Variants in CCNB2 observed in about 807,000 individuals in gnomAD.
CCNB2 encodes cyclin B2, also known as G2/mitotic-specific cyclin-B2.
In CCNB2, 39 loss-of-function variants were observed where a neutral mutation model predicts 51.1. The ratio of observed to expected loss-of-function variants is 0.76; its 90% confidence interval spans 0.59 to 1.00. CCNB2 has a LOEUF of 1.00. Ranked by LOEUF, CCNB2 falls within the 50% of genes least tolerant of loss-of-function variation. CCNB2 has a pLI of 0.00. For synonymous variants in CCNB2, 174 were observed against 165.5 expected (o/e 1.05, Z -0.40); for missense variants, 472 against 470.3 (o/e 1.00, Z -0.03).
intron 3 of CCNB2, among the ~76,000 whole-genome samples, chr15:59,111,905 T>C (rs2140286888): frequency 6.7e-6 from 1 of 149,784 alleles, no homozygotes; most frequent in South Asian, 2.1e-4. Flanking sequence ...TAGGCTGGAG[T>C]ACAGTGGCAT....
At chr15:59,112,989 G>C (rs1056952051) in intron 3 of CCNB2, among the ~76,000 whole-genome samples, 1 of 151,516 alleles carries the variant, frequency 6.6e-6, no homozygotes, top group Non-Finnish European at 1.5e-5. Flanking sequence ...AGCCAAGGTC[G>C]TGCCACTGCA....
chr15:59,118,176 T>C (rs1452512945), intron 7 of CCNB2, among the ~76,000 whole-genome samples: 1 of 152,218 alleles, frequency 6.6e-6, no homozygotes, highest in Non-Finnish European at 1.5e-5. Context: ...GAGCCACTTG[T>C]AGATTTAGAA....
At chr15:59,117,453 A>G in intron 7 of CCNB2, 85 bp downstream of exon 7, 4 of 1,368,086 alleles carry the variant, frequency 2.9e-6, no homozygotes, top group Middle Eastern at 2.2e-4. Context: ...TTACAACACT[A>G]TCCTTGAAGC....
chr15:59,124,644 G>A (rs1186889682), intron 8 of CCNB2, 123 bp from the exon 9 acceptor site: 4 of 725,160 alleles, frequency 5.5e-6, no homozygotes, highest in African/African-American at 5.3e-5. Context: ...TGGCTTCAGC[G>A]ATTGGGCATC....
chr15:59,114,987 T>C, intron 5 of CCNB2, 111 bp downstream of exon 5: 1 of 1,177,136 alleles, frequency 8.5e-7, no homozygotes. Context: ...AAAAATCAAA[T>C]TGTGAGAAGC....
intron 7 of CCNB2, among the ~76,000 whole-genome samples, chr15:59,119,233 G>C (rs1366890174): frequency 6.6e-6 from 1 of 152,126 alleles, no homozygotes; most frequent in African/African-American, 2.4e-5. Context: ...ACAGAGGAAA[G>C]AATTAATTTA....
chr15:59,121,862 G>A (rs2079303093), intron 7 of CCNB2, among the ~76,000 whole-genome samples: 1 of 143,782 alleles, frequency 7.0e-6, no homozygotes, highest in Non-Finnish European at 1.5e-5. Flanking sequence ...AACCCGGAAG[G>A]TAGACGTTGC....
chr15:59,113,395 T>C (rs2079265834), intron 3 of CCNB2, among the ~76,000 whole-genome samples: 1 of 152,188 alleles, frequency 6.6e-6, no homozygotes, highest in African/African-American at 2.4e-5. Context: ...ACCTACTACG[T>C]ATCAGGGATT....
intron 5 of CCNB2, among the ~76,000 whole-genome samples, chr15:59,116,393 G>T (rs1051146631): frequency 2.0e-4 from 31 of 152,200 alleles, no homozygotes; most frequent in Non-Finnish European, 2.9e-4. Flanking sequence ...TCTTGGCATG[G>T]TGTCTGAATC....
intron 5 of CCNB2, among the ~76,000 whole-genome samples, chr15:59,115,107 G>T (rs2079273755): frequency 6.6e-6 from 1 of 152,196 alleles, no homozygotes; most frequent in Non-Finnish European, 1.5e-5. Context: ...AAAGTACTTG[G>T]GGGAAATATT....
At chr15:59,107,844 G>C (rs1324075109) in intron 3 of CCNB2, among the ~76,000 whole-genome samples, 174 bp downstream of exon 3, 1 of 152,120 alleles carries the variant, frequency 6.6e-6, no homozygotes, top group Non-Finnish European at 1.5e-5. Context: ...ATAACATTAT[G>C]ACCTTGAAGC....
At chr15:59,107,184 G>A (rs1400264605) in intron 1 of CCNB2, 138 bp from the exon 2 acceptor site, 1 of 755,374 alleles carries the variant, frequency 1.3e-6, no homozygotes, top group Non-Finnish European at 2.1e-6. Flanking sequence ...TAGACTTCCT[G>A]AAATGTACCT....
intron 7 of CCNB2, among the ~76,000 whole-genome samples, chr15:59,118,343 A>C (rs2079287613): frequency 6.6e-6 from 1 of 152,228 alleles, no homozygotes. Context: ...TCTAGTCTGC[A>C]GTTATACCCT....
chr15:59,105,500 C>T (rs1033393010), intron 1 of CCNB2, among the ~76,000 whole-genome samples: 3 of 152,272 alleles, frequency 2.0e-5, no homozygotes, highest in African/African-American at 7.2e-5. Context: ...TCCCCTAACC[C>T]CTCCCTGCCC....
At chr15:59,112,141 C>T (rs187893407) in intron 3 of CCNB2, among the ~76,000 whole-genome samples, 17 of 152,178 alleles carry the variant, frequency 1.1e-4, no homozygotes, top group East Asian at 3.9e-4. Context: ...TGTGAGCCAC[C>T]GCACTTGGCC....
chr15:59,117,501 T>C, intron 7 of CCNB2, 133 bp downstream of exon 7: 1 of 894,730 alleles, frequency 1.1e-6, no homozygotes, highest in Non-Finnish European at 1.7e-6. Flanking sequence ...CAGGGTCTCA[T>C]TCTGTCACGT....
At chr15:59,122,239 A>ATTTTTTTTTTTTTTT (rs1330208146) in intron 7 of CCNB2, among the ~76,000 whole-genome samples, 1 of 97,442 alleles carries the variant, frequency 1.0e-5, no homozygotes, top group African/African-American at 4.0e-5. Flanking sequence ...CAGTTGACAT[A>ATTTTTTTTTTTTTTT]TCTTTTTTTT....
chr15:59,107,644 G>A lies in CCNB2; in HGVS notation c.241G>A (p.Val81Ile), dbSNP rs1383989423. Reference protein sequence around the residue: ...QLKPTASVKPVQMEKLAPKGP... With the variant: ...QLKPTASVKPIQMEKLAPKGP... ...GAAACCTACTGCTTCTGTCAAACCAGTACAGATGGAAAAGTTGGCTCCAAA... is the reference window on the plus strand; with the variant it reads ...GAAACCTACTGCTTCTGTCAAACCAATACAGATGGAAAAGTTGGCTCCAAA... Residue 81 changes from valine to isoleucine, a missense_variant, in exon 3 of 9, where the codon GTA becomes ATA. Coordinates refer to ENST00000288207, the MANE Select transcript of CCNB2 (RefSeq NM_004701.4). The A allele has an allele frequency of 1.2e-6, 2 of 1,613,930 alleles. No individual in the cohort carries two copies.
At chr15:59,114,667 A>G (rs1337957115) in intron 4 of CCNB2, 51 bp from the exon 5 acceptor site, 14 of 1,589,332 alleles carry the variant, frequency 8.8e-6, no homozygotes, top group Non-Finnish European at 1.1e-5. Flanking sequence ...TTTACCACAC[A>G]GCTGGGAAGC....
Sources: gnomAD v4.1 joint callset for allele counts (sites outside exome capture counted in the v4.1 genomes callset) on GRCh38, gnomAD v4.1.1 for gene constraint, MANE v1.5 for transcripts, NCBI Gene and HGNC (gene_info 2026-07-23, HGNC 2026-07-21) for gene names.